Variants in SOHLH2 observed in about 807,000 individuals in gnomAD.
The protein encoded by SOHLH2 is spermatogenesis and oogenesis specific basic helix-loop-helix 2, also known as spermatogenesis- and oogenesis-specific basic helix-loop-helix-containing protein 2.
Under a neutral mutation model 50.4 loss-of-function variants are expected in SOHLH2, and 22 were observed. That is an observed-to-expected ratio of 0.44 (90% confidence interval 0.31 to 0.62). The LOEUF (loss-of-function observed/expected upper bound fraction) is 0.62, where lower values mean the gene tolerates loss of function less well. Ranked by LOEUF, SOHLH2 falls within the 20% of genes least tolerant of loss-of-function variation. SOHLH2 has a pLI of 0.08. For synonymous variants in SOHLH2, 185 were observed against 187.3 expected (o/e 0.99, Z 0.10); for missense variants, 412 against 504.4 (o/e 0.82, Z 1.76).
intron 2 of SOHLH2, among the ~76,000 whole-genome samples, chr13:36,201,261 C>G (rs529756889): frequency 4.2e-4 from 64 of 151,982 alleles, no homozygotes; most frequent in African/African-American, 1.5e-3. Flanking sequence ...TTAATGAACT[C>G]TGGAAAGATG....
At chr13:36,204,657 CTGGT>C (rs1868646143) in intron 1 of SOHLH2, among the ~76,000 whole-genome samples, 1 of 152,032 alleles carries the variant, frequency 6.6e-6, no homozygotes, top group Admixed American at 6.6e-5. Flanking sequence ...TTGCCTATTC[CTGGT>C]TAATACCACA....
intron 10 of SOHLH2, among the ~76,000 whole-genome samples, chr13:36,169,774 C>T (rs553516259): frequency 2.4e-4 from 37 of 152,292 alleles, no homozygotes; most frequent in Admixed American, 3.9e-4. Flanking sequence ...TACTCACTCC[C>T]GATTCCTCAC....
At chr13:36,196,244 C>T (rs891683502) in intron 2 of SOHLH2, among the ~76,000 whole-genome samples, 4 of 151,756 alleles carry the variant, frequency 2.6e-5, no homozygotes, top group African/African-American at 9.7e-5. Context: ...TGTACCTCAG[C>T]CTCCCAGGTA....
chr13:36,170,242 G>A (rs1886925146), intron 10 of SOHLH2, among the ~76,000 whole-genome samples: 1 of 152,122 alleles, frequency 6.6e-6, no homozygotes, highest in South Asian at 2.1e-4. Context: ...AAGCAGAGGG[G>A]TGGGCAATCA....
chr13:36,173,773 C>T lies in SOHLH2; in HGVS notation c.919G>A (p.Gly307Arg), dbSNP rs1195485570. 1.2e-6 allele frequency: 2 copies of T among 1,613,948 alleles called. No homozygotes were observed. The highest frequency in any genetic ancestry group is 1.7e-5 in the Admixed American group (1 of 60,006). The stretch of plus-strand genomic sequence containing the variant: ...CACGTATTAGTCAGGAATTGGAGCC[C>T]TCTCTCAGGGGAGTAAGTGCTCATC... ...SVMSTYSPER[G>R]LQFLTNTCWN... is the part of the protein sequence containing the mutation. The change falls in exon 9 of 11, where the codon GGG becomes AGG. Residue 307 changes from glycine (G) to arginine (R), a missense_variant. Transcript: ENST00000379881.
chr13:36,188,133 C>A (rs1173956165), intron 6 of SOHLH2, among the ~76,000 whole-genome samples: 3 of 152,178 alleles, frequency 2.0e-5, no homozygotes, highest in Admixed American at 1.3e-4. Context: ...AGTCCAGATA[C>A]GCAATGTCTT....
intron 6 of SOHLH2, chr13:36,182,897 T>G (rs1887297116): frequency 6.4e-6 from 1 of 157,214 alleles, no homozygotes; most frequent in African/African-American, 2.4e-5. Flanking sequence ...TTGGATGTTT[T>G]GTCCCCTCCA....
chr13:36,197,532 C>A (rs1156412152), intron 2 of SOHLH2, among the ~76,000 whole-genome samples: 1 of 152,110 alleles, frequency 6.6e-6, no homozygotes, highest in Non-Finnish European at 1.5e-5. Context: ...CCCTATGAAG[C>A]CTGCGGAAAT....
chr13:36,198,185 C>T (rs763674062), intron 2 of SOHLH2, among the ~76,000 whole-genome samples: 13 of 152,164 alleles, frequency 8.5e-5, no homozygotes, highest in South Asian at 2.1e-4. Flanking sequence ...CCACATCCTG[C>T]GTTCCTTTTC....
chr13:36,178,225 G>C (rs1887144579), intron 6 of SOHLH2, among the ~76,000 whole-genome samples: 1 of 152,076 alleles, frequency 6.6e-6, no homozygotes, highest in South Asian at 2.1e-4. Context: ...CAACTGAATA[G>C]TGTCATCCTA....
At position 36,173,719 on chromosome 13, in the gene SOHLH2, C is replaced by G; in HGVS notation, c.973G>C (p.Glu325Gln). The change falls in exon 9 of 11, where the codon GAG (glutamate) becomes CAG (glutamine). Residue 325 changes from glutamate to glutamine, a missense_variant. By Grantham distance (29) the Glu-to-Gln change is conservative. Coordinates refer to ENST00000379881, the MANE Select transcript of SOHLH2 (RefSeq NM_017826.3). ...CTCACAGCTTCATCCAAGGAGCTCT[C>G]TGCATCAGGAGTGGAGCACCCATTC... ...CWNGCSTPDAESSLDEAVRVP... is the reference protein window; with the variant it reads ...CWNGCSTPDAQSSLDEAVRVP... 1 of 1,613,434 alleles carries G rather than the reference C, an allele frequency of 6.2e-7. No homozygotes were observed. The highest frequency in any genetic ancestry group is 1.1e-5 in the South Asian group (1 of 91,060).
chr13:36,184,597 C>A (rs1331077767), intron 6 of SOHLH2, among the ~76,000 whole-genome samples: 1 of 151,630 alleles, frequency 6.6e-6, no homozygotes, highest in Non-Finnish European at 1.5e-5. Context: ...GTAGCTGGGA[C>A]TACAGGCGCC....
intron 1 of SOHLH2, among the ~76,000 whole-genome samples, chr13:36,207,795 A>C (rs1868868287): frequency 6.6e-6 from 1 of 152,110 alleles, no homozygotes; most frequent in Non-Finnish European, 1.5e-5. Context: ...AGAGTGTCCC[A>C]CTACTTGGAT....
chr13:36,214,553 G>A lies in SOHLH2; in HGVS notation c.-27C>T, dbSNP rs1377561260. 1.9e-6 allele frequency: 3 copies of A among 1,606,462 alleles called. No individual in the cohort carries two copies. The highest frequency in any genetic ancestry group is 4.5e-5 in the East Asian group (2 of 44,658). ...GCCGCTGCGCACGTGCTGGGTCCTG[G>A]GGCAGCCTCCCAGCAGGAGGAGCTC... On this transcript the variant is annotated 5_prime_UTR_variant, in exon 1 of 11. Coordinates refer to ENST00000379881, the MANE Select transcript of SOHLH2 (RefSeq NM_017826.3).
intron 6 of SOHLH2, among the ~76,000 whole-genome samples, 171 bp from the exon 7 acceptor site, chr13:36,175,040 C>T (rs1022279044): frequency 3.3e-5 from 5 of 152,190 alleles, no homozygotes; most frequent in African/African-American, 1.2e-4. Context: ...CCCTCACAGC[C>T]CCTGAAATCA....
At chr13:36,173,940 A>G (rs760072132) in intron 8 of SOHLH2, 130 bp from the exon 9 acceptor site, 16 of 1,053,902 alleles carry the variant, frequency 1.5e-5, no homozygotes, top group Non-Finnish European at 2.1e-5. Flanking sequence ...GATTATTTAC[A>G]TATGAGCAAA....
intron 6 of SOHLH2, among the ~76,000 whole-genome samples, chr13:36,183,772 A>T (rs1329351509): frequency 6.6e-6 from 1 of 152,208 alleles, no homozygotes. Context: ...AAGCTATATT[A>T]ATATCAAAGT....
Position 36,186,166 on chromosome 13 carries a change from C to A in SOHLH2, c.641+3780G>T, listed in dbSNP as rs1887412050. Reference sequence around the variant, plus strand: ...CATTTAAAAAAATCAGTCATAATCACCACATTAACAAACAAGAGGAGAAAT... The same window carrying A: ...CATTTAAAAAAATCAGTCATAATCAACACATTAACAAACAAGAGGAGAAAT... On this transcript the variant is annotated intron_variant, in intron 6 of 10. Coordinates refer to ENST00000379881, the MANE Select transcript of SOHLH2 (RefSeq NM_017826.3). 2.0e-5 allele frequency among the ~76,000 whole-genome samples: 3 copies of A among 151,922 alleles called. No homozygotes were observed. The South Asian group carries it at 6.2e-4, about 32-fold the overall frequency.
intron 10 of SOHLH2, among the ~76,000 whole-genome samples, chr13:36,170,074 C>G (rs1886920510): frequency 6.6e-6 from 1 of 152,148 alleles, no homozygotes; most frequent in Admixed American, 6.5e-5. Context: ...TATGAAGACA[C>G]CTGGTATCTG....
Sources: gnomAD v4.1 joint callset for allele counts (sites outside exome capture counted in the v4.1 genomes callset) on GRCh38, gnomAD v4.1.1 for gene constraint, MANE v1.5 for transcripts, NCBI Gene and HGNC (gene_info 2026-07-23, HGNC 2026-07-21) for gene names.